The following DPYSL2 variants were observed in gnomAD, a reference collection of about 807,000 sequenced individuals.
DPYSL2 encodes dihydropyrimidinase-related protein 2.
In DPYSL2, 13 loss-of-function variants were observed where a neutral mutation model predicts 69.9. That is an observed-to-expected ratio of 0.19 (90% CI 0.12 to 0.30). The LOEUF (loss-of-function observed/expected upper bound fraction) is 0.30, where lower values mean the gene tolerates loss of function less well. Among genes scored for constraint, DPYSL2 ranks in the 10% least tolerant of loss-of-function variants. The pLI is 1.00. For missense variants in DPYSL2, 587 were observed against 918.9 expected (o/e 0.64, Z 4.67); for synonymous variants, 326 against 359.1 (o/e 0.91, Z 1.04).
intron 1 of DPYSL2, chr8:26,547,796 A>C (rs1180875858): frequency 2.8e-6 from 1 of 360,666 alleles, no homozygotes; most frequent in South Asian, 2.5e-5. Context: ...GAGGCTGAGG[A>C]ATTCCCCTAC....
chr8:26,605,307 T>C lies in DPYSL2; in HGVS notation c.629-18836T>C, dbSNP rs182896448. Among the ~76,000 whole-genome samples the C allele has an allele frequency of 6.6e-6, 1 of 152,112 alleles. No individual in the cohort carries two copies. Among genetic ancestry groups the C allele is most frequent in the East Asian group, 1.9e-4 (1 of 5,174 alleles). The stretch of plus-strand genomic sequence containing the variant: ...ATAATGGGGAGAAAATATAAGATTA[T>C]TACTATTTTTTTTTATTGCCCAGGC... On this transcript the variant is annotated intron_variant, in intron 3 of 13. Coordinates refer to ENST00000521913, the MANE Select transcript of DPYSL2 (RefSeq NM_001197293.3). The surrounding 1 kb of genome is among the most constrained non-coding windows in gnomAD (Gnocchi z 4.1).
Position 26,554,746 on chromosome 8 carries a change from T to G in DPYSL2, c.355-27223T>G, listed in dbSNP as rs1585505332. On this transcript the variant is annotated intron_variant, in intron 1 of 13. Coordinates refer to ENST00000521913, the MANE Select transcript of DPYSL2 (RefSeq NM_001197293.3). ...AATCTTTTCCAGAAAACAGAAGCAGTGGGGATACCTCCTAATTCATTCTAT... is the reference window on the plus strand; with the variant it reads ...AATCTTTTCCAGAAAACAGAAGCAGGGGGGATACCTCCTAATTCATTCTAT... Among the ~76,000 whole-genome samples the G allele has an allele frequency of 3.3e-5, 5 of 152,246 alleles. No individual in the cohort carries two copies. In the Middle Eastern group the frequency reaches 0.014, roughly 414 times the overall value.
intron 3 of DPYSL2, among the ~76,000 whole-genome samples, chr8:26,592,037 A>G (rs1241004145): frequency 2.6e-5 from 4 of 152,212 alleles, no homozygotes; most frequent in Non-Finnish European, 4.4e-5. Context: ...CAAGACAGGA[A>G]CCAGGGTAGA....
In DPYSL2 at chr8:26,640,269, TC is replaced by T. The variant is rs909543628; in HGVS notation, c.1127-3166del. ...GGTTGTAAATAAGCACCAGCTCCCA[TC>T]CCCTGCAGTTCTTGGCCTTATAGAG... On this transcript the variant is annotated intron_variant, in intron 8 of 13. Transcript: ENST00000521913. The surrounding 1 kb of genome is among the most constrained non-coding windows in gnomAD (Gnocchi z 4.2). Among the ~76,000 whole-genome samples the T allele has an allele frequency of 2.6e-5, 4 of 152,192 alleles. No individual in the cohort carries two copies. The highest frequency in any genetic ancestry group is 9.6e-5 in the African/African-American group (4 of 41,452).
At position 26,641,252 on chromosome 8, in the gene DPYSL2, C is replaced by G. The variant is rs1333211808; in HGVS notation, c.1127-2187C>G. Among the ~76,000 whole-genome samples, 1 of 152,214 alleles carries G rather than the reference C, an allele frequency of 6.6e-6. No homozygotes were observed. The highest frequency in any genetic ancestry group is 1.5e-5 in the Non-Finnish European group (1 of 68,040). ...GAGACTATCCAGCCATTCTTTATCT[C>G]CAAGTGCCTCTGCTCTCATGAACTT... is the stretch of plus-strand genomic sequence containing the variant. On this transcript the variant is annotated intron_variant, in intron 8 of 13. Coordinates refer to ENST00000521913, the MANE Select transcript of DPYSL2 (RefSeq NM_001197293.3). The surrounding 1 kb of genome is among the most constrained non-coding windows in gnomAD (Gnocchi z 4.1).
Position 26,514,865 on chromosome 8 carries a change from G to A in DPYSL2, c.354+186G>A, listed in dbSNP as rs956290256. Among the ~76,000 whole-genome samples, 2 of 152,168 alleles carry A rather than the reference G, an allele frequency of 1.3e-5. No individual in the cohort carries two copies. The highest frequency in any genetic ancestry group is 4.8e-5 in the African/African-American group (2 of 41,448). The stretch of plus-strand genomic sequence containing the variant: ...GCGGCGAGGCTCGGGCTGGGCGGTG[G>A]GCGGCCGTGCGCCCACAAAGGCTGC... On this transcript the variant is annotated intron_variant, in intron 1 of 13. Transcript: ENST00000521913. The surrounding 1 kb of genome is among the most constrained non-coding windows in gnomAD (Gnocchi z 8.4).
Position 26,641,463 on chromosome 8 carries a change from A to G in DPYSL2, c.1127-1976A>G, listed in dbSNP as rs1289561475. On this transcript the variant is annotated intron_variant, in intron 8 of 13. Transcript: ENST00000521913. The surrounding 1 kb of genome is among the most constrained non-coding windows in gnomAD (Gnocchi z 4.1). ...TTGAACCAAAAGCGGGGAGCCAGAG[A>G]GATCCTTTGAGAACTGATGACTGCT... Among the ~76,000 whole-genome samples the G allele has an allele frequency of 1.3e-5, 2 of 152,200 alleles. No homozygotes were observed. The highest frequency in any genetic ancestry group is 2.9e-5 in the Non-Finnish European group (2 of 68,036).
chr8:26,555,651 G>A (rs1800933375), intron 1 of DPYSL2, among the ~76,000 whole-genome samples: 1 of 151,856 alleles, frequency 6.6e-6, no homozygotes, highest in East Asian at 1.9e-4. Flanking sequence ...CCTAGAGGCC[G>A]AGGCAGGTGG....
At chr8:26,528,685 A>G (rs965068432) in intron 1 of DPYSL2, among the ~76,000 whole-genome samples, 1 of 151,966 alleles carries the variant, frequency 6.6e-6, no homozygotes, top group African/African-American at 2.4e-5. Flanking sequence ...AAGAAAAAAA[A>G]GAAAGAAATA....
At chr8:26,607,378 G>A (rs941413672) in intron 3 of DPYSL2, among the ~76,000 whole-genome samples, 1 of 151,798 alleles carries the variant, frequency 6.6e-6, no homozygotes, top group African/African-American at 2.4e-5. Context: ...AGCTACTTGG[G>A]AGGCTGAGGC....
At chr8:26,615,202 G>A (rs1802317053) in intron 3 of DPYSL2, among the ~76,000 whole-genome samples, 1 of 152,128 alleles carries the variant, frequency 6.6e-6, no homozygotes, top group South Asian at 2.1e-4. Flanking sequence ...GAGCTCAGGG[G>A]GCCGTTGCGA....
intron 1 of DPYSL2, among the ~76,000 whole-genome samples, chr8:26,556,545 A>G (rs1459925782): frequency 6.7e-6 from 1 of 149,734 alleles, no homozygotes; most frequent in African/African-American, 2.5e-5. Flanking sequence ...TATACCAGCA[A>G]TGAACAATTA....
intron 1 of DPYSL2, among the ~76,000 whole-genome samples, chr8:26,536,726 A>G (rs1413535987): frequency 6.6e-6 from 1 of 152,208 alleles, no homozygotes; most frequent in Admixed American, 6.5e-5. Context: ...CATGACATGA[A>G]TAGTGAATTT....
chr8:26,644,076 C>T lies in DPYSL2; in HGVS notation c.1410C>T (p.Ile470=), dbSNP rs753360620. The T allele has an allele frequency of 6.2e-7, 1 of 1,614,180 alleles. No individual in the cohort carries two copies. Among genetic ancestry groups the T allele is most frequent in the South Asian group, 1.1e-5 (1 of 91,078 alleles). ...GCACTGAGGAGCGGATGTCCGTCATCTGGGACAAGGCTGTGGTAAGGAGCG... is the reference window on the plus strand; with the variant it reads ...GCACTGAGGAGCGGATGTCCGTCATTTGGGACAAGGCTGTGGTAAGGAGCG... ...TNGTEERMSV[I]WDKAVVTGKM... is the part of the protein sequence containing the mutation. Residue 470 remains isoleucine, a synonymous_variant, in exon 10 of 14, where the codon ATC becomes ATT. Transcript: ENST00000521913. This position sits in a 1 kb window ranked among gnomAD's most constrained non-coding sequence, Gnocchi z 4.5.
intron 1 of DPYSL2, among the ~76,000 whole-genome samples, chr8:26,559,364 T>G (rs1801038749): frequency 6.6e-6 from 1 of 152,234 alleles, no homozygotes. Context: ...ATTAAAAATT[T>G]TAATCATATT....
Sources: gnomAD v4.1 joint callset for allele counts (sites outside exome capture counted in the v4.1 genomes callset) on GRCh38, gnomAD v4.1.1 for gene constraint, Gnocchi (gnomAD v3.1) non-coding constraint, MANE v1.5 for transcripts, NCBI Gene and HGNC (gene_info 2026-07-23, HGNC 2026-07-21) for gene names.